The following PDZD2 variants were observed in gnomAD, a reference collection of about 807,000 sequenced individuals.
PDZD2 encodes the protein PDZ domain containing 2.
PDZD2 carries 90 observed loss-of-function variants against 220.7 expected under a neutral mutation model. The ratio of observed to expected loss-of-function variants is 0.41; its 90% CI spans 0.34 to 0.49. The LOEUF is 0.49. Among genes scored for constraint, PDZD2 ranks in the 20% least tolerant of loss-of-function variants. The probability of loss-of-function intolerance (pLI) is 0.28; values close to 1 mark genes in which losing one functional copy is unlikely to be tolerated. For missense variants in PDZD2, 3,174 were observed against 3,608.5 expected, an observed-to-expected ratio of 0.88 and a Z score of 3.08; for synonymous variants, 1,375 against 1,450.5, an observed-to-expected ratio of 0.95 and a Z score of 1.18.
intron 2 of PDZD2, among the ~76,000 whole-genome samples, chr5:31,980,065 T>C (rs113422238): frequency 0.013 from 2,021 of 152,322 alleles, 14 homozygotes; most frequent in Non-Finnish European, 0.019. Flanking sequence ...CCGAGACATA[T>C]TCACATAACA....
Position 31,995,635 on chromosome 5 carries a change from T to C in PDZD2, c.1038T>C (p.Ile346=). The change falls in exon 4 of 25, where the codon ATT becomes ATC. Residue 346 remains isoleucine (I), a synonymous_variant. Transcript: ENST00000438447. ...TCAAAGAATCGGATGGGCTGGGAAT[T>C]CAGGTTAGTGGAGGCCGAGGATCAA... ...ELLKESDGLG[I]QVSGGRGSKR... is the part of the protein sequence containing the mutation. 1 of 1,614,126 alleles carries C rather than the reference T, an allele frequency of 6.2e-7. No homozygotes were observed. Among genetic ancestry groups the C allele is most frequent in the South Asian group, 1.1e-5 (1 of 91,078 alleles).
chr5:31,756,003 A>C (rs1238941015), intron 1 of PDZD2, among the ~76,000 whole-genome samples: 1 of 152,182 alleles, frequency 6.6e-6, no homozygotes, highest in Non-Finnish European at 1.5e-5. Context: ...ATGTCTTTAA[A>C]AGGCTTGAAA....
At chr5:31,878,086 G>C (rs891498250) in intron 2 of PDZD2, among the ~76,000 whole-genome samples, 1 of 152,148 alleles carries the variant, frequency 6.6e-6, no homozygotes, top group African/African-American at 2.4e-5. Context: ...GATTTGAAGT[G>C]GTTTGCATTT....
intron 1 of PDZD2, among the ~76,000 whole-genome samples, chr5:31,684,229 T>A (rs989678496): frequency 1.3e-5 from 2 of 152,260 alleles, no homozygotes; most frequent in African/African-American, 4.8e-5. Context: ...TCTCAAGTGA[T>A]GGATGGATAT....
In PDZD2 at chr5:31,685,488, C is replaced by T. The variant is rs529773553; in HGVS notation, c.-361+46051C>T. ...TCTACACCATCAGCCCATGCTGCCTCGTCCGCATGCATACCCACTACCCTT... is the reference window on the plus strand; with the variant it reads ...TCTACACCATCAGCCCATGCTGCCTTGTCCGCATGCATACCCACTACCCTT... On this transcript the variant is annotated intron_variant, in intron 1 of 24. Transcript: ENST00000438447. Among the ~76,000 whole-genome samples, 9 of 152,236 alleles carry T rather than the reference C, an allele frequency of 5.9e-5. No homozygotes were observed. The South Asian group carries it at 1.7e-3, about 28-fold the overall frequency.
At chr5:31,892,659 C>G (rs564395481) in intron 2 of PDZD2, among the ~76,000 whole-genome samples, 51 of 150,526 alleles carry the variant, frequency 3.4e-4, no homozygotes, top group African/African-American at 1.2e-3. Context: ...CCTCGACATC[C>G]CGGACTCAAG....
intron 1 of PDZD2, among the ~76,000 whole-genome samples, chr5:31,713,031 T>A (rs1417130360): frequency 6.6e-6 from 1 of 152,222 alleles, no homozygotes; most frequent in Non-Finnish European, 1.5e-5. Context: ...ACCACAGTGT[T>A]GAGAAGGATT....
chr5:31,958,276 C>T (rs1176594676), intron 2 of PDZD2, among the ~76,000 whole-genome samples: 3 of 149,824 alleles, frequency 2.0e-5, no homozygotes, highest in Non-Finnish European at 4.4e-5. Flanking sequence ...TTTTTTGAGA[C>T]GGAGTCTCAC....
At chr5:31,889,439 C>A (rs1353176791) in intron 2 of PDZD2, among the ~76,000 whole-genome samples, 7 of 152,186 alleles carry the variant, frequency 4.6e-5, no homozygotes, top group African/African-American at 2.4e-5. Context: ...AAAGGCCTGT[C>A]AGGCCAACAG....
At chr5:31,951,104 T>C (rs1747138969) in intron 2 of PDZD2, among the ~76,000 whole-genome samples, 1 of 152,108 alleles carries the variant, frequency 6.6e-6, no homozygotes, top group Admixed American at 6.6e-5. Flanking sequence ...TCTCACTCTG[T>C]CTCCCAAACT....
At chr5:32,082,089 T>C (rs926523043) in intron 19 of PDZD2, among the ~76,000 whole-genome samples, 1 of 149,934 alleles carries the variant, frequency 6.7e-6, no homozygotes, top group Non-Finnish European at 1.5e-5. Context: ...TGGCGCGATC[T>C]TGGCTCACTG....
chr5:32,055,192 T>C (rs1738982656), intron 10 of PDZD2, among the ~76,000 whole-genome samples: 1 of 152,072 alleles, frequency 6.6e-6, no homozygotes, highest in Non-Finnish European at 1.5e-5. Flanking sequence ...GGTATATACA[T>C]ATATATATTT....
At chr5:31,644,283 C>T (rs901830071) in intron 1 of PDZD2, among the ~76,000 whole-genome samples, 1 of 152,076 alleles carries the variant, frequency 6.6e-6, no homozygotes, top group Non-Finnish European at 1.5e-5. Context: ...CAATCTTGAT[C>T]TCCTATTATC....
chr5:32,035,037 T>G (rs76995986), intron 6 of PDZD2, among the ~76,000 whole-genome samples: 4,084 of 152,296 alleles, frequency 0.027, 187 homozygotes, highest in African/African-American at 0.091. Flanking sequence ...AGAATTAATT[T>G]GTTTTCTCAA....
chr5:32,109,517 T>TTTC lies in PDZD2; in HGVS notation c.*1385_*1387dup. On this transcript the variant is annotated 3_prime_UTR_variant, in exon 25 of 25. Transcript: ENST00000438447. The stretch of plus-strand genomic sequence containing the variant: ...TTTCTCTCCTCATGATGTACCTTAT[T>TTTC]TTCTTAGGTAAATAATTCCAAACTC... The TTTC allele has an allele frequency of 6.6e-6, 1 of 152,276 alleles. No individual in the cohort carries two copies. The highest frequency in any genetic ancestry group is 2.1e-4 in the South Asian group (1 of 4,820). 9.4% of individuals were successfully genotyped at this position (152,276 alleles called of 1,614,324 possible).
intron 7 of PDZD2, among the ~76,000 whole-genome samples, chr5:32,038,488 G>C (rs1316143925): frequency 1.3e-5 from 2 of 152,030 alleles, no homozygotes; most frequent in Non-Finnish European, 2.9e-5. Context: ...AGTGAGGCCA[G>C]ATCACACCAC....
In PDZD2 at chr5:32,108,124, A is replaced by G. The variant is rs1744974184; in HGVS notation, c.8509A>G (p.Asn2837Asp). 1 of 1,588,474 alleles carries G rather than the reference A, an allele frequency of 6.3e-7. No individual in the cohort carries two copies. Among genetic ancestry groups the G allele is most frequent in the African/African-American group, 1.4e-5 (1 of 73,878 alleles). The change falls in exon 25 of 25, where the codon AAT becomes GAT. Residue 2837 changes from asparagine (N) to aspartate (D), a missense_variant. Coordinates refer to ENST00000438447, the MANE Select transcript of PDZD2 (RefSeq NM_178140.4). The part of the protein sequence containing the change: ...PVQLLIRKHR[N>D]SS ...GCAGTTATTAATTAGAAAGCATAGG[A>G]ATTCTTCATGAATTTTAACAAGAAT... is the stretch of plus-strand genomic sequence containing the variant.
At chr5:31,737,906 C>T (rs1199606857) in intron 1 of PDZD2, among the ~76,000 whole-genome samples, 4 of 152,172 alleles carry the variant, frequency 2.6e-5, no homozygotes, top group South Asian at 4.1e-4. Context: ...CCGTATGAAA[C>T]AGACATTGCT....
At chr5:31,913,982 C>T (rs1743433502) in intron 2 of PDZD2, among the ~76,000 whole-genome samples, 1 of 152,174 alleles carries the variant, frequency 6.6e-6, no homozygotes, top group Admixed American at 6.5e-5. Flanking sequence ...AAAGCTAGAG[C>T]CAGATGTCAC....
Sources: gnomAD v4.1 joint callset for allele counts (sites outside exome capture counted in the v4.1 genomes callset) on GRCh38, gnomAD v4.1.1 for gene constraint, MANE v1.5 for transcripts, NCBI Gene and HGNC (gene_info 2026-07-23, HGNC 2026-07-21) for gene names.